The following NLRP1 variants were observed in gnomAD, a reference collection of about 807,000 sequenced individuals.
NLRP1 encodes the protein NLR family pyrin domain containing 1.
In NLRP1, 94 loss-of-function variants were observed where a neutral mutation model predicts 136.7. That is an observed-to-expected ratio of 0.69 (90% confidence interval 0.58 to 0.82). The LOEUF is 0.82. NLRP1 is among the 40% of genes least tolerant of loss of function. NLRP1 has a pLI of 0.00. For synonymous variants in NLRP1, 690 were observed against 725.1 expected, an observed-to-expected ratio of 0.95 and a Z score of 0.78; for missense variants, 1,575 against 1,802.7, an observed-to-expected ratio of 0.87 and a Z score of 2.29.
intron 12 of NLRP1, chr17:5,530,030 C>T (rs1192121961): frequency 1.5e-5 from 7 of 456,858 alleles, no homozygotes; most frequent in East Asian, 6.9e-5. Flanking sequence ...TCTCAGATGG[C>T]GTCTGATGAC....
In NLRP1 at chr17:5,525,425, A is replaced by G. The variant is rs533880735; in HGVS notation, c.3521-3639T>C. ...GCATGCCCGGTGTTTGCCTTGGGAC[A>G]TTGCTGCTCCTGCTGTCCAGGAGCC... On this transcript the variant is annotated intron_variant, in intron 12 of 16. Coordinates refer to ENST00000572272, the MANE Select transcript of NLRP1 (RefSeq NM_033004.4). Among the ~76,000 whole-genome samples the G allele has an allele frequency of 1.7e-3, 266 of 152,272 alleles. 3 individuals are homozygous for G. The highest frequency in any genetic ancestry group is 6.0e-3 in the African/African-American group (250 of 41,562).
At chr17:5,574,900 A>G (rs1904854039) in intron 3 of NLRP1, among the ~76,000 whole-genome samples, 1 of 151,928 alleles carries the variant, frequency 6.6e-6, no homozygotes, top group Non-Finnish European at 1.5e-5. Context: ...TCCTGACCTC[A>G]TGGTCTGCCC....
intron 3 of NLRP1, among the ~76,000 whole-genome samples, chr17:5,570,755 A>G (rs1915783899): frequency 6.6e-6 from 1 of 152,128 alleles, no homozygotes; most frequent in African/African-American, 2.4e-5. Context: ...GTTAGGTATC[A>G]TTCTATGAGT....
Position 5,517,811 on chromosome 17 carries a change from C to G in NLRP1, c.3992G>C (p.Gly1331Ala). ...SEFYVGHLGS[G>A]IRLQVKDKKD... ...CTTGTCTTTCACTTGCAGCCTGATCCCTGATCCCAAGTGGCCAACGTAGAA... is the reference window on the plus strand; with the variant it reads ...CTTGTCTTTCACTTGCAGCCTGATCGCTGATCCCAAGTGGCCAACGTAGAA... The change falls in exon 15 of 17, where the codon GGG becomes GCG. Residue 1331 changes from glycine to alanine, a missense_variant. Gly to Ala is a moderately conservative substitution (Grantham distance 60). Transcript: ENST00000572272. The G allele has an allele frequency of 6.2e-7, 1 of 1,614,190 alleles. No homozygotes were observed. The highest frequency in any genetic ancestry group is 8.5e-7 in the Non-Finnish European group (1 of 1,180,046).
At chr17:5,567,023 T>C (rs867530877) in intron 3 of NLRP1, among the ~76,000 whole-genome samples, 3 of 152,136 alleles carry the variant, frequency 2.0e-5, no homozygotes, top group Non-Finnish European at 4.4e-5. Context: ...GTAATATATT[T>C]TTCCATCACT....
intron 3 of NLRP1, among the ~76,000 whole-genome samples, chr17:5,566,589 T>C (rs1915357200): frequency 6.6e-6 from 1 of 152,188 alleles, no homozygotes; most frequent in Admixed American, 6.5e-5. Flanking sequence ...ATATATGGTG[T>C]ATCCTTGGGA....
At chr17:5,573,469 C>T (rs537223420) in intron 3 of NLRP1, among the ~76,000 whole-genome samples, 39 of 152,284 alleles carry the variant, frequency 2.6e-4, no homozygotes, top group African/African-American at 9.1e-4. Context: ...AAGAGAGCAG[C>T]GGTTCTCCCA....
chr17:5,569,872 A>G lies in NLRP1; in HGVS notation c.653-9829T>C, dbSNP rs146264845. ...AAAATCAACCACACAATCTGCCATA[A>G]AAAGTTCTCAGCAAATTTTAAAAAA... On this transcript the variant is annotated intron_variant, in intron 3 of 16. Coordinates refer to ENST00000572272, the MANE Select transcript of NLRP1 (RefSeq NM_033004.4). 1.1e-4 allele frequency among the ~76,000 whole-genome samples: 16 copies of G among 152,246 alleles called. No homozygotes were observed. The East Asian group carries it at 3.1e-3, about 29-fold the overall frequency.
rs1465816204 is a variant in NLRP1 at position 5,545,483 on chromosome 17, CACACACAG to C, written c.2529-3464_2529-3457del. Among the ~76,000 whole-genome samples the C allele has an allele frequency of 7.6e-4, 114 of 150,556 alleles. 1 individual carries two copies. Among genetic ancestry groups the C allele is most frequent in the Admixed American group, 9.3e-4 (14 of 15,098 alleles). On this transcript the variant is annotated intron_variant, in intron 5 of 16. Transcript: ENST00000572272. ...ACATACAGACACACACACAGACACA[CACACACAG>C]ACACACAGACACACACACACATACA... is the stretch of plus-strand genomic sequence containing the variant.
In NLRP1 at chr17:5,520,999, A is replaced by G; in HGVS notation, c.3797T>C (p.Leu1266Pro). ...DCSIRKAIDDLEMKFQFVRIH... is the reference protein window; with the variant it reads ...DCSIRKAIDDPEMKFQFVRIH... ...TCGCACAAACTGGAATTTCATTTCTAGATCATCTATGGCCTACAGAACATA... is the reference window on the plus strand; with the variant it reads ...TCGCACAAACTGGAATTTCATTTCTGGATCATCTATGGCCTACAGAACATA... Residue 1266 changes from leucine (L) to proline (P), a missense_variant, in exon 14 of 17, where the codon CTA becomes CCA. Physicochemically the swap from Leu to Pro is moderately conservative, Grantham distance 98. Transcript: ENST00000572272. 6.2e-7 allele frequency: 1 copy of G among 1,609,838 alleles called. No homozygotes were observed. The highest frequency in any genetic ancestry group is 8.5e-7 in the Non-Finnish European group (1 of 1,177,774).
intron 7 of NLRP1, 67 bp downstream of exon 7, chr17:5,539,348 T>C (rs1911537977): frequency 1.4e-6 from 2 of 1,473,882 alleles, no homozygotes; most frequent in Admixed American, 4.3e-5. Context: ...CAGTCCTTTT[T>C]CCATCCCCTG....
At position 5,583,771 on chromosome 17, in the gene NLRP1, C is replaced by G. The variant is rs564787076; in HGVS notation, c.187G>C (p.Glu63Gln). 1 of 1,553,890 alleles carries G rather than the reference C, an allele frequency of 6.4e-7. No individual in the cohort carries two copies. Among genetic ancestry groups the G allele is most frequent in the East Asian group, 2.4e-5 (1 of 41,154 alleles). The change falls in exon 1 of 17, where the codon GAG becomes CAG. Residue 63 changes from glutamate to glutamine, a missense_variant. Transcript: ENST00000572272. The surrounding 1 kb of genome is among the most constrained non-coding windows in gnomAD (Gnocchi z 4.5). ...VASYLVAQYG[E>Q]QRAWDLALHT... ...AGGGCTAGGTCCCAGGCCCGCTGCT[C>G]CCCATACTGAGCCACCAGGTACGAG...
intron 7 of NLRP1, among the ~76,000 whole-genome samples, chr17:5,538,233 G>A (rs1004352232): frequency 2.0e-5 from 3 of 152,134 alleles, no homozygotes; most frequent in Non-Finnish European, 4.4e-5. Flanking sequence ...CCAGGGAGGT[G>A]GAGGGGAGCA....
In NLRP1 at chr17:5,561,600, C is replaced by T. The variant is rs1175629814; in HGVS notation, c.653-1557G>A. Among the ~76,000 whole-genome samples the T allele has an allele frequency of 4.0e-5, 4 of 99,850 alleles. 1 individual carries two copies. The highest frequency in any genetic ancestry group is 7.8e-5 in the African/African-American group (2 of 25,522). The allele number at this position is 99,850 out of a possible 152,430, so 65.5% of individuals were successfully genotyped here. Reference sequence around the variant, plus strand: ...CTGGGACTACAGGCGCCCGCCACCGCGCCCGGCTAATTTTTTGTATTTTTA... The same window carrying T: ...CTGGGACTACAGGCGCCCGCCACCGTGCCCGGCTAATTTTTTGTATTTTTA... On this transcript the variant is annotated intron_variant, in intron 3 of 16. Transcript: ENST00000572272.
intron 8 of NLRP1, among the ~76,000 whole-genome samples, chr17:5,534,204 T>C (rs367851839): frequency 3.3e-5 from 5 of 152,138 alleles, no homozygotes; most frequent in African/African-American, 1.2e-4. Flanking sequence ...ACCTCATCTC[T>C]GCCAAAAATA....
chr17:5,550,107 CAT>C (rs1224923725), intron 5 of NLRP1, among the ~76,000 whole-genome samples: 2 of 150,908 alleles, frequency 1.3e-5, no homozygotes, highest in African/African-American at 2.4e-5. Flanking sequence ...TGTAATTTTG[CAT>C]ATATATTCAT....
At chr17:5,525,229 G>A (rs978388212) in intron 12 of NLRP1, among the ~76,000 whole-genome samples, 1 of 152,208 alleles carries the variant, frequency 6.6e-6, no homozygotes, top group African/African-American at 2.4e-5. Context: ...ACTGAGTACG[G>A]ACAATGTGCC....
At chr17:5,552,312 CTTCTA>C (rs1913474820) in intron 5 of NLRP1, among the ~76,000 whole-genome samples, 1 of 151,864 alleles carries the variant, frequency 6.6e-6, no homozygotes, top group African/African-American at 2.4e-5. Flanking sequence ...CTCAACTTTC[CTTCTA>C]TTGTTGATTT....
At chr17:5,579,629 T>C (rs1411622414) in intron 3 of NLRP1, among the ~76,000 whole-genome samples, 2 of 152,198 alleles carry the variant, frequency 1.3e-5, no homozygotes, top group African/African-American at 2.4e-5. Context: ...TAAAGATGCA[T>C]GTACATGTAT....
Sources: allele counts gnomAD v4.1 joint callset (sites outside exome capture counted in the v4.1 genomes callset), GRCh38; gene constraint gnomAD v4.1.1; non-coding constraint Gnocchi (gnomAD v3.1); transcripts MANE v1.5; gene names NCBI Gene and HGNC (gene_info 2026-07-23, HGNC 2026-07-21).